The following CDKL3 variants were observed in gnomAD, a reference collection of about 807,000 sequenced individuals.
CDKL3 encodes the protein cyclin dependent kinase like 3.
In CDKL3, 65 loss-of-function variants were observed where a neutral mutation model predicts 69.3. The observed-to-expected ratio is 0.94, with a 90% CI of 0.77 to 1.15. CDKL3 has a LOEUF of 1.15. CDKL3 is among the 50% of genes most tolerant of loss of function. CDKL3 has a pLI of 0.00. For synonymous variants in CDKL3, 202 were observed against 221.6 expected (o/e 0.91, Z 0.79); for missense variants, 652 against 689.2 (o/e 0.95, Z 0.61).
In CDKL3 at chr5:134,352,136, C is replaced by T. The variant is rs898161952; in HGVS notation, c.361-1709G>A. Among the ~76,000 whole-genome samples the T allele has an allele frequency of 4.6e-5, 7 of 152,032 alleles. No homozygotes were observed. In the South Asian group the frequency reaches 8.3e-4, roughly 18 times the overall value. On this transcript the variant is annotated intron_variant, in intron 3 of 12. Transcript: ENST00000265334. ...GATTCTGTATGTAAGTAAGATCATG[C>T]GGTATTTGTCCTCTGTATGACTTAT...
downstream of CDKL3, among the ~76,000 whole-genome samples, chr5:134,297,851 G>T (rs955681782): frequency 7.3e-5 from 11 of 150,316 alleles, no homozygotes; most frequent in African/African-American, 2.7e-4. Context: ...CAAAGTGCTG[G>T]ATTACAGGCA....
intron 2 of CDKL3, 65 bp from the exon 3 acceptor site, chr5:134,360,156 G>T (rs551212955): frequency 1.3e-5 from 14 of 1,096,978 alleles, no homozygotes; most frequent in Middle Eastern, 3.0e-4. Flanking sequence ...TACATATAAC[G>T]TGTAAATTTT....
At chr5:134,338,153 T>C (rs751023528) in intron 4 of CDKL3, among the ~76,000 whole-genome samples, 1 of 152,108 alleles carries the variant, frequency 6.6e-6, no homozygotes, top group Non-Finnish European at 1.5e-5. Flanking sequence ...AGTAAAACTA[T>C]ATTGAGTTTA....
At chr5:134,288,234 C>A (rs1764962384) in intron 8 of CDKL3, among the ~76,000 whole-genome samples, 1 of 152,244 alleles carries the variant, frequency 6.6e-6, no homozygotes, top group South Asian at 2.1e-4. Flanking sequence ...CTCAAAAACT[C>A]TGAGAAAATC....
chr5:134,371,479 G>A (rs1758400327), upstream of CDKL3: 1 of 1,266,858 alleles, frequency 7.9e-7, no homozygotes, highest in African/African-American at 1.6e-5. Context: ...AGTCTCGGCG[G>A]CGGCGGCGGC....
At chr5:134,313,143 C>CA (rs1716898357) in intron 6 of CDKL3, among the ~76,000 whole-genome samples, 2 of 152,136 alleles carry the variant, frequency 1.3e-5, no homozygotes, top group Non-Finnish European at 2.9e-5. Context: ...GGCTGATGAA[C>CA]TCTTGAGTTC....
chr5:134,295,645 T>C (rs1765315140), downstream of CDKL3, among the ~76,000 whole-genome samples: 2 of 152,230 alleles, frequency 1.3e-5, no homozygotes, highest in Non-Finnish European at 2.9e-5. Flanking sequence ...TTTTTGAGAT[T>C]AACAGAGATC....
chr5:134,371,346 G>C (rs895625919), upstream of CDKL3: 2 of 599,536 alleles, frequency 3.3e-6, no homozygotes, highest in South Asian at 3.9e-5. Flanking sequence ...CCGCTGAAGG[G>C]CTCGGGGAAG....
chr5:134,299,747 T>C, intron 12 of CDKL3: 1 of 1,530,140 alleles, frequency 6.5e-7, no homozygotes, highest in Non-Finnish European at 8.8e-7. Flanking sequence ...GCATTTCCTG[T>C]ATTCTAAAAA....
At chr5:134,296,820 C>T (rs551675141), downstream of CDKL3, among the ~76,000 whole-genome samples, 139 of 151,854 alleles carry the variant, frequency 9.2e-4, 1 homozygote, top group Non-Finnish European at 1.6e-3. Context: ...CACACACGCA[C>T]GCACACACAC....
intron 4 of CDKL3, among the ~76,000 whole-genome samples, chr5:134,330,208 G>A (rs1195166621): frequency 1.3e-5 from 2 of 151,866 alleles, no homozygotes; most frequent in Non-Finnish European, 2.9e-5. Context: ...GTTAACTGAA[G>A]AAAAATGGGT....
chr5:134,355,631 T>A (rs150584384), intron 3 of CDKL3, among the ~76,000 whole-genome samples: 1 of 152,356 alleles, frequency 6.6e-6, no homozygotes, highest in East Asian at 1.9e-4. Flanking sequence ...TTTGATAATC[T>A]TTCTCTGTCA....
intron 4 of CDKL3, among the ~76,000 whole-genome samples, chr5:134,336,822 A>C (rs1236006633): frequency 6.6e-6 from 1 of 152,032 alleles, no homozygotes; most frequent in Non-Finnish European, 1.5e-5. Context: ...CTGTTATCGG[A>C]GCTCAGATGT....
At chr5:134,300,911 G>A (rs1005363354) in intron 12 of CDKL3, among the ~76,000 whole-genome samples, 4 of 152,088 alleles carry the variant, frequency 2.6e-5, no homozygotes, top group Admixed American at 6.5e-5. Context: ...GCTGTGCAAC[G>A]TGCTGTGACA....
chr5:134,322,046 G>C, intron 4 of CDKL3, 143 bp from the exon 5 acceptor site: 1 of 600,590 alleles, frequency 1.7e-6, no homozygotes, highest in Non-Finnish European at 2.9e-6. Flanking sequence ...TCGAGACCGA[G>C]TCTTGCTCTG....
At chr5:134,337,970 G>A (rs1248767088) in intron 4 of CDKL3, among the ~76,000 whole-genome samples, 1 of 152,078 alleles carries the variant, frequency 6.6e-6, no homozygotes, top group Non-Finnish European at 1.5e-5. Flanking sequence ...TTCATAATAT[G>A]CATTTCCATG....
intron 4 of CDKL3, among the ~76,000 whole-genome samples, chr5:134,341,818 G>A (rs1171113642): frequency 6.6e-6 from 1 of 152,222 alleles, no homozygotes; most frequent in African/African-American, 2.4e-5. Flanking sequence ...AATAAGATTA[G>A]AGTGGGGCAA....
At chr5:134,322,159 G>A (rs1057171250) in intron 4 of CDKL3, among the ~76,000 whole-genome samples, 1 of 152,018 alleles carries the variant, frequency 6.6e-6, no homozygotes, top group Non-Finnish European at 1.5e-5. Context: ...GATTAGAGGC[G>A]TGTGCCACCA....
intron 5 of CDKL3, 129 bp from the exon 6 acceptor site, chr5:134,319,626 T>A: frequency 1.1e-6 from 1 of 901,344 alleles, no homozygotes; most frequent in Non-Finnish European, 1.6e-6. Context: ...TTATGTATTT[T>A]AATTTTTTGA....
Sources: allele counts gnomAD v4.1 joint callset (sites outside exome capture counted in the v4.1 genomes callset), GRCh38; gene constraint gnomAD v4.1.1; transcripts MANE v1.5; gene names NCBI Gene and HGNC (gene_info 2026-07-23, HGNC 2026-07-21).